Variants in VWA5A observed in about 807,000 individuals in gnomAD.
VWA5A encodes von Willebrand factor A domain containing 5A, also known as von Willebrand factor A domain-containing protein 5A.
Under a neutral mutation model 84.6 loss-of-function variants are expected in VWA5A, and 77 were observed. The ratio of observed to expected loss-of-function variants is 0.91; its 90% confidence interval spans 0.76 to 1.10. VWA5A has a LOEUF of 1.10. Ranked by LOEUF, VWA5A falls within the 50% of genes least tolerant of loss-of-function variation. The pLI is 0.00. For missense variants in VWA5A, 973 were observed against 963.0 expected (o/e 1.01, Z -0.14); for synonymous variants, 334 against 350.1 (o/e 0.95, Z 0.51).
intron 4 of VWA5A, 118 bp downstream of exon 4, chr11:124,117,993 A>G: frequency 7.3e-7 from 1 of 1,367,792 alleles, no homozygotes. Flanking sequence ...TGATGTTGAA[A>G]GCTCTTTCTT....
Position 124,123,727 on chromosome 11 carries a change from G to A in VWA5A, c.1087G>A (p.Asp363Asn), listed in dbSNP as rs200732862. ...GGGGAGAGTGAAGCTTATGCAGGCC[G>A]ACCTAGGGGGCACTGAAATCTTGGC... Reference protein sequence around the residue: ...ALGRVKLMQADLGGTEILAPL... With the variant: ...ALGRVKLMQANLGGTEILAPL... Residue 363 changes from aspartate (D) to asparagine (N), a missense_variant, in exon 10 of 19, where the codon GAC becomes AAC. By Grantham distance (23) the Asp-to-Asn change is conservative. Coordinates refer to ENST00000456829, the MANE Select transcript of VWA5A (RefSeq NM_001130142.2). 6.3e-5 allele frequency: 102 copies of A among 1,611,828 alleles called. No homozygotes were observed. The East Asian group carries it at 1.3e-3, about 21-fold the overall frequency.
chr11:124,121,035 T>C (rs1293859019), intron 7 of VWA5A, among the ~76,000 whole-genome samples: 1 of 152,172 alleles, frequency 6.6e-6, no homozygotes, highest in Non-Finnish European at 1.5e-5. Context: ...TCCCAGGTCG[T>C]ATATTTAGTC....
rs996534286 is a variant in VWA5A at position 124,141,873 on chromosome 11, G to A, written c.2023+132G>A. Reference sequence around the variant, plus strand: ...TTCTCGAAGGGACCCCCCATGCATTGGAAAAGATTCATTCCTCCACCCACA... The same window carrying A: ...TTCTCGAAGGGACCCCCCATGCATTAGAAAAGATTCATTCCTCCACCCACA... On this transcript the variant is annotated intron_variant, in intron 16 of 18. Transcript: ENST00000456829. 2.3e-6 allele frequency: 3 copies of A among 1,282,606 alleles called. No individual in the cohort carries two copies. The African/African-American group carries it at 4.5e-5, about 19-fold the overall frequency. 79.5% of individuals were successfully genotyped at this position (1,282,606 alleles called of 1,614,324 possible).
intron 12 of VWA5A, 69 bp downstream of exon 12, chr11:124,135,103 C>T (rs1180819352): frequency 7.9e-6 from 11 of 1,387,106 alleles, no homozygotes; most frequent in Non-Finnish European, 1.1e-5. Context: ...GGGTGGGGAA[C>T]ACTGTGTAAG....
intron 15 of VWA5A, among the ~76,000 whole-genome samples, chr11:124,141,383 T>C (rs1421710230): frequency 6.6e-6 from 1 of 152,104 alleles, no homozygotes; most frequent in Non-Finnish European, 1.5e-5. Context: ...GAAAAATTGT[T>C]TAGCATGTGC....
In VWA5A at chr11:124,134,818, G is replaced by C. The variant is rs140908487; in HGVS notation, c.1245-102G>C. The C allele has an allele frequency of 2.7e-5, 22 of 829,766 alleles. No individual in the cohort carries two copies. The African/African-American group carries it at 2.9e-4, about 11-fold the overall frequency. The allele number at this position is 829,766 out of a possible 1,614,324, so 51.4% of individuals were successfully genotyped here. A position where few individuals can be genotyped will look rare whatever the true frequency, so the allele number is the denominator to read the frequency against. On this transcript the variant is annotated intron_variant, in intron 11 of 18. Coordinates refer to ENST00000456829, the MANE Select transcript of VWA5A (RefSeq NM_001130142.2). Reference sequence around the variant, plus strand: ...TGGTAGCTGTTACACTTTTGGTCAAGAAAGTAGACTATTTCCTTATGTATT... The same window carrying C: ...TGGTAGCTGTTACACTTTTGGTCAACAAAGTAGACTATTTCCTTATGTATT...
At chr11:124,123,517 T>TTA in intron 9 of VWA5A, 63 bp downstream of exon 9, 1 of 1,601,470 alleles carries the variant, frequency 6.2e-7, no homozygotes, top group Non-Finnish European at 8.5e-7. Context: ...GACTAAATTG[T>TTA]TAAAGGGGTT....
intron 2 of VWA5A, 106 bp from the exon 3 acceptor site, chr11:124,117,391 T>A: frequency 8.9e-7 from 1 of 1,120,508 alleles, no homozygotes; most frequent in South Asian, 1.3e-5. Flanking sequence ...ACTCCAACAT[T>A]AACCCTTTGA....
intron 9 of VWA5A, 57 bp downstream of exon 9, chr11:124,123,511 A>G: frequency 6.2e-7 from 1 of 1,603,254 alleles, no homozygotes; most frequent in East Asian, 2.2e-5. Context: ...GAAAGGGACT[A>G]AATTGTTAAA....
chr11:124,132,887 G>A (rs1167270327), intron 11 of VWA5A, among the ~76,000 whole-genome samples: 2 of 152,080 alleles, frequency 1.3e-5, no homozygotes, highest in East Asian at 3.9e-4. Flanking sequence ...TATATTCAGA[G>A]CTATAGATCT....
Position 124,118,971 on chromosome 11 carries a change from T to C in VWA5A, c.646-4T>C. ...TGTGGCTCCTTTACCTGTCCTCCAC[T>C]CAGGTTTCCCTGGCTGCTGGACACA... On this transcript the variant is annotated splice_polypyrimidine_tract_variant and splice_region_variant and intron_variant, in intron 6 of 18. Coordinates refer to ENST00000456829, the MANE Select transcript of VWA5A (RefSeq NM_001130142.2). The C allele has an allele frequency of 6.2e-7, 1 of 1,613,750 alleles. No homozygotes were observed. The highest frequency in any genetic ancestry group is 8.5e-7 in the Non-Finnish European group (1 of 1,179,736).
chr11:124,141,609 G>C lies in VWA5A; in HGVS notation c.1891G>C (p.Ala631Pro), dbSNP rs765781646. 1.9e-6 allele frequency: 3 copies of C among 1,614,058 alleles called. No individual in the cohort carries two copies. The Admixed American group carries it at 5.0e-5, about 27-fold the overall frequency. ...TTGGATTTTTTCAGGTTTTCGAAAG[G>C]CCTTACACTCTGACCGTCCTCCTTC... is the stretch of plus-strand genomic sequence containing the variant. The part of the protein sequence containing the change: ...KIKCQSGFRK[A>P]LHSDRPPSAS... The change falls in exon 16 of 19, where the codon GCC (alanine) becomes CCC (proline). Residue 631 changes from alanine to proline, a missense_variant. By Grantham distance (27) the Ala-to-Pro change is conservative. Coordinates refer to ENST00000456829, the MANE Select transcript of VWA5A (RefSeq NM_001130142.2).
intron 11 of VWA5A, among the ~76,000 whole-genome samples, chr11:124,133,176 A>C (rs1865122700): frequency 6.6e-6 from 1 of 152,188 alleles, no homozygotes; most frequent in South Asian, 2.1e-4. Flanking sequence ...GGGAACAGAT[A>C]ATGTTAATCC....
intron 12 of VWA5A, 131 bp downstream of exon 12, chr11:124,135,165 C>T (rs966793809): frequency 4.7e-6 from 3 of 632,170 alleles, no homozygotes; most frequent in Non-Finnish European, 7.8e-6. Context: ...TCCCCAAGGC[C>T]TTAGGCTGTA....
In VWA5A at chr11:124,141,455, G is replaced by A. The variant is rs1860725872; in HGVS notation, c.1880-143G>A. ...GAGGGTGAGGGTTTGCGCAGGAGGTGGGCATATGAGAGAAAAATAGCACAG... is the reference window on the plus strand; with the variant it reads ...GAGGGTGAGGGTTTGCGCAGGAGGTAGGCATATGAGAGAAAAATAGCACAG... On this transcript the variant is annotated intron_variant, in intron 15 of 18. Transcript: ENST00000456829. The A allele has an allele frequency of 6.2e-6, 6 of 972,668 alleles. No homozygotes were observed. The South Asian group carries it at 1.0e-4, about 16-fold the overall frequency. 60.3% of individuals were successfully genotyped at this position (972,668 alleles called of 1,614,324 possible).
In VWA5A at chr11:124,136,514, C is replaced by T. The variant is rs1033321559; in HGVS notation, c.1525-60C>T. The T allele has an allele frequency of 1.6e-5, 24 of 1,542,346 alleles. No individual in the cohort carries two copies. In the African/African-American group the frequency reaches 2.0e-4, roughly 13 times the overall value. ...TTGGGTACCTGCCCCTGTTCTGATC[C>T]TTCCATGGATGATCAGAACATTACA... is the stretch of plus-strand genomic sequence containing the variant. On this transcript the variant is annotated intron_variant, in intron 13 of 18. Transcript: ENST00000456829.
chr11:124,119,532 T>A (rs1344477861), intron 7 of VWA5A, among the ~76,000 whole-genome samples: 1 of 152,270 alleles, frequency 6.6e-6, no homozygotes, highest in Non-Finnish European at 1.5e-5. Context: ...GCCATATGTG[T>A]TAAATCAATG....
rs756944339 is a variant in VWA5A at position 124,122,988 on chromosome 11, G to A, written c.789G>A (p.Met263Ile). ...ATTTGATGGGAGATCCATCTGCAAT[G>A]GTGAGTTTCTATCCAAATATCCCAG... ...PGHLMGDPSA[M>I]VSFYPNIPED... Residue 263 changes from methionine (M) to isoleucine (I), a missense_variant, in exon 8 of 19, where the codon ATG becomes ATA. Coordinates refer to ENST00000456829, the MANE Select transcript of VWA5A (RefSeq NM_001130142.2). 14 of 1,613,810 alleles carry A rather than the reference G, an allele frequency of 8.7e-6. No homozygotes were observed. Among genetic ancestry groups the A allele is most frequent in the Non-Finnish European group, 1.1e-5 (13 of 1,180,022 alleles).
Position 124,124,544 on chromosome 11 carries a change from A to G in VWA5A, c.1244+228A>G, listed in dbSNP as rs556929454. 2.1e-5 allele frequency: 27 copies of G among 1,275,476 alleles called. No homozygotes were observed. The East Asian group carries it at 2.5e-4, about 12-fold the overall frequency. 79.0% of individuals were successfully genotyped at this position (1,275,476 alleles called of 1,614,324 possible). ...TTCTTATTCTTTCTAAACTACAACG[A>G]ACACAAGAATTGAATAGTAAGATGT... On this transcript the variant is annotated intron_variant, in intron 11 of 18. Transcript: ENST00000456829.
Sources: gnomAD v4.1 joint callset for allele counts (sites outside exome capture counted in the v4.1 genomes callset) on GRCh38, gnomAD v4.1.1 for gene constraint, MANE v1.5 for transcripts, NCBI Gene and HGNC (gene_info 2026-07-23, HGNC 2026-07-21) for gene names.